APP: variants seen among roughly 807,000 people sequenced by gnomAD.
APP encodes the protein amyloid-beta precursor protein.
APP carries 31 observed loss-of-function variants against 101.4 expected under a neutral mutation model. That is an observed-to-expected ratio of 0.31 (90% confidence interval 0.23 to 0.41). The LOEUF (loss-of-function observed/expected upper bound fraction) is 0.41. Among genes scored for constraint, APP ranks in the 10% least tolerant of loss-of-function variants. The probability of loss-of-function intolerance (pLI) is 1.00; values close to 1 mark genes in which losing one functional copy is unlikely to be tolerated. For synonymous variants in APP, 366 were observed against 364.4 expected (o/e 1.00, Z -0.05); for missense variants, 839 against 1,003.7 (o/e 0.84, Z 2.22).
intron 8 of APP, among the ~76,000 whole-genome samples, chr21:25,982,722 A>T (rs1014805007): frequency 6.6e-6 from 1 of 152,240 alleles, no homozygotes; most frequent in South Asian, 2.1e-4. Flanking sequence ...TCCATTTTGC[A>T]ATTATAGCAT....
chr21:26,090,165 G>C, intron 2 of APP, 93 bp from the exon 3 acceptor site: 2 of 1,571,146 alleles, frequency 1.3e-6, no homozygotes, highest in Non-Finnish European at 1.7e-6. Flanking sequence ...GGTACAGGTG[G>C]AGTGTCCCTT....
intron 13 of APP, among the ~76,000 whole-genome samples, chr21:25,954,386 T>C (rs1236700088): frequency 6.6e-6 from 1 of 152,246 alleles, no homozygotes; most frequent in East Asian, 1.9e-4. Flanking sequence ...TCAGGCGACA[T>C]TCCTCCAGTC....
chr21:26,112,956 C>A (rs2062361270), intron 1 of APP, among the ~76,000 whole-genome samples: 1 of 152,096 alleles, frequency 6.6e-6, no homozygotes, highest in African/African-American at 2.4e-5. Context: ...TATTTTCAAA[C>A]TCTTCTGTGT....
chr21:26,031,335 G>A (rs1313795613), intron 5 of APP, among the ~76,000 whole-genome samples: 1 of 152,188 alleles, frequency 6.6e-6, no homozygotes, highest in African/African-American at 2.4e-5. Flanking sequence ...CTATTCCTTA[G>A]AAAGAAGAGA....
intron 13 of APP, among the ~76,000 whole-genome samples, chr21:25,916,806 A>G (rs751292121): frequency 6.6e-6 from 1 of 152,216 alleles, no homozygotes; most frequent in African/African-American, 2.4e-5. Context: ...TTGAAGTCAA[A>G]TATCTTCTAT....
chr21:26,164,148 G>A (rs2063557322), intron 1 of APP, among the ~76,000 whole-genome samples: 1 of 152,242 alleles, frequency 6.6e-6, no homozygotes, highest in Admixed American at 6.5e-5. Flanking sequence ...GGGAGGCTGA[G>A]GCAGGAGAAT....
Position 26,170,686 on chromosome 21 carries a change from C to T in APP, c.-66G>A. 1.4e-6 allele frequency: 2 copies of T among 1,440,982 alleles called. No individual in the cohort carries two copies. The highest frequency in any genetic ancestry group is 1.8e-6 in the Non-Finnish European group (2 of 1,099,272). The allele number at this position is 1,440,982 out of a possible 1,614,324, so 89.3% of individuals were successfully genotyped here. On this transcript the variant is annotated 5_prime_UTR_variant, in exon 1 of 18. Transcript: ENST00000346798. Reference sequence around the variant, plus strand: ...TGGGATCCGCCGCGTCCTTGCTCTGCCCGCGCCGCCACCGCCGCCGTCTCC... The same window carrying T: ...TGGGATCCGCCGCGTCCTTGCTCTGTCCGCGCCGCCACCGCCGCCGTCTCC...
chr21:25,944,500 T>C (rs2040720195), intron 13 of APP, among the ~76,000 whole-genome samples: 1 of 152,228 alleles, frequency 6.6e-6, no homozygotes, highest in East Asian at 1.9e-4. Flanking sequence ...AGAAAATACA[T>C]GCAAAATTTG....
Position 26,140,405 on chromosome 21 carries a change from C to T in APP, c.58-28259G>A, listed in dbSNP as rs370302354. Reference sequence around the variant, plus strand: ...CTGTGCTATTTAGGCGTGGATCACACGCACACTGCGCCAACTTCTAAGCTA... The same window carrying T: ...CTGTGCTATTTAGGCGTGGATCACATGCACACTGCGCCAACTTCTAAGCTA... On this transcript the variant is annotated intron_variant, in intron 1 of 17. Coordinates refer to ENST00000346798, the MANE Select transcript of APP (RefSeq NM_000484.4). 35 of 1,398,100 alleles carry T rather than the reference C, an allele frequency of 2.5e-5. 1 individual carries two copies. In the South Asian group the frequency reaches 2.9e-4, roughly 12 times the overall value. The allele number at this position is 1,398,100 out of a possible 1,614,324, so 86.6% of individuals were successfully genotyped here.
chr21:26,093,939 C>A (rs1043967510), intron 2 of APP, among the ~76,000 whole-genome samples: 4 of 151,998 alleles, frequency 2.6e-5, no homozygotes, highest in African/African-American at 9.7e-5. Context: ...CATGGTGAAA[C>A]CCTGTCTCTA....
intron 1 of APP, among the ~76,000 whole-genome samples, chr21:26,137,875 T>C (rs1402766969): frequency 6.6e-6 from 1 of 152,058 alleles, no homozygotes; most frequent in Non-Finnish European, 1.5e-5. Flanking sequence ...TGGATCTGAG[T>C]CATGGCTGTT....
intron 13 of APP, among the ~76,000 whole-genome samples, chr21:25,951,298 T>G (rs961648994): frequency 6.6e-6 from 1 of 152,202 alleles, no homozygotes; most frequent in Non-Finnish European, 1.5e-5. Flanking sequence ...AGAATTCTAA[T>G]TGGAAGCATA....
chr21:26,128,451 A>T (rs927503434), intron 1 of APP, among the ~76,000 whole-genome samples: 1 of 152,234 alleles, frequency 6.6e-6, no homozygotes, highest in Non-Finnish European at 1.5e-5. Context: ...TTGTTTCTAC[A>T]CAGAACTTCT....
chr21:25,935,153 C>T (rs1016487158), intron 13 of APP: 6 of 152,168 alleles, frequency 3.9e-5, no homozygotes, highest in African/African-American at 1.2e-4. Flanking sequence ...TCCAGAGTGA[C>T]GAAACATCAC....
intron 2 of APP, among the ~76,000 whole-genome samples, chr21:26,109,964 T>C (rs1043181284): frequency 6.6e-6 from 1 of 152,184 alleles, no homozygotes; most frequent in Admixed American, 6.5e-5. Flanking sequence ...CAAAAACATA[T>C]AAGTATGCAC....
chr21:25,886,304 A>AGTT (rs1417533918), intron 17 of APP, among the ~76,000 whole-genome samples: 1 of 152,064 alleles, frequency 6.6e-6, no homozygotes, highest in African/African-American at 2.4e-5. Flanking sequence ...ATCTCTCTAT[A>AGTT]GTTATATATA....
At chr21:25,979,579 GACA>G (rs960583898) in intron 9 of APP, among the ~76,000 whole-genome samples, 1 of 152,002 alleles carries the variant, frequency 6.6e-6, no homozygotes, top group Non-Finnish European at 1.5e-5. Flanking sequence ...TCTGCTCTGG[GACA>G]ACATCTCTTA....
intron 16 of APP, among the ~76,000 whole-genome samples, chr21:25,896,515 A>C (rs560034695): frequency 6.6e-6 from 1 of 152,276 alleles, no homozygotes; most frequent in African/African-American, 2.4e-5. Flanking sequence ...TCTGTCCACC[A>C]CTGAATGTGA....
chr21:25,897,971 G>C (rs1224373178), intron 15 of APP: 1 of 412,676 alleles, frequency 2.4e-6, no homozygotes, highest in African/African-American at 2.0e-5. Context: ...CTGGTTGAGA[G>C]GTTGGCAAGG....
Sources: gnomAD v4.1 joint callset for allele counts (sites outside exome capture counted in the v4.1 genomes callset) on GRCh38, gnomAD v4.1.1 for gene constraint, MANE v1.5 for transcripts, NCBI Gene and HGNC (gene_info 2026-07-23, HGNC 2026-07-21) for gene names.